HEATR5A: variants seen among roughly 807,000 people sequenced by gnomAD.
The protein encoded by HEATR5A is HEAT repeat-containing protein 5A.
HEATR5A carries 178 observed loss-of-function variants against 218.8 expected under a neutral mutation model. That is an observed-to-expected ratio of 0.81 (90% CI 0.72 to 0.92). The LOEUF is 0.92. Ranked by LOEUF, HEATR5A falls within the 40% of genes least tolerant of loss-of-function variation. HEATR5A has a pLI of 0.00. For missense variants in HEATR5A, 2,420 were observed against 2,418.9 expected, an observed-to-expected ratio of 1.00 and a Z score of -0.01; for synonymous variants, 864 against 871.6, an observed-to-expected ratio of 0.99 and a Z score of 0.15.
chr14:31,364,007 G>T (rs922255187), intron 14 of HEATR5A, among the ~76,000 whole-genome samples, 182 bp downstream of exon 14: 2 of 151,758 alleles, frequency 1.3e-5, no homozygotes, highest in African/African-American at 4.8e-5. Flanking sequence ...AACCCCGAAT[G>T]TTTTTTTTAC....
intron 9 of HEATR5A, among the ~76,000 whole-genome samples, chr14:31,385,838 G>T (rs751850354): frequency 1.3e-5 from 2 of 151,792 alleles, no homozygotes; most frequent in African/African-American, 2.4e-5. Flanking sequence ...AGCGATTCTC[G>T]TGCCTCAGCC....
At chr14:31,379,163 G>C (rs1461095803) in intron 11 of HEATR5A, among the ~76,000 whole-genome samples, 3 of 151,048 alleles carry the variant, frequency 2.0e-5, no homozygotes, top group Non-Finnish European at 4.4e-5. Flanking sequence ...GGCCAGGCTG[G>C]TCTTGAACTC....
intron 1 of HEATR5A, among the ~76,000 whole-genome samples, chr14:31,411,661 G>T (rs970259930): frequency 6.6e-6 from 1 of 152,032 alleles, no homozygotes; most frequent in Admixed American, 6.6e-5. Context: ...CTGCCAAGAG[G>T]GTGTGCAGAT....
At chr14:31,416,013 G>A (rs2031432234) in intron 1 of HEATR5A, among the ~76,000 whole-genome samples, 1 of 151,554 alleles carries the variant, frequency 6.6e-6, no homozygotes, top group Non-Finnish European at 1.5e-5. Context: ...TGCAGTGGCA[G>A]GATCTCAGCT....
intron 2 of HEATR5A, among the ~76,000 whole-genome samples, chr14:31,402,145 C>T (rs1041161791): frequency 6.6e-6 from 1 of 152,144 alleles, no homozygotes; most frequent in African/African-American, 2.4e-5. Flanking sequence ...TGGAATGCTA[C>T]TATTTTAAAT....
chr14:31,349,004 C>T (rs146447114), intron 18 of HEATR5A, among the ~76,000 whole-genome samples: 29 of 152,238 alleles, frequency 1.9e-4, no homozygotes, highest in African/African-American at 7.0e-4. Context: ...TTTACCTTAA[C>T]ATTCTTAAGT....
intron 22 of HEATR5A, among the ~76,000 whole-genome samples, chr14:31,331,948 T>C (rs1900487337): frequency 6.6e-6 from 1 of 152,166 alleles, no homozygotes; most frequent in Admixed American, 6.5e-5. Context: ...TAATTCAAGA[T>C]GAGATTTGGA....
chr14:31,358,629 A>ATATT lies in HEATR5A; in HGVS notation c.2411+4_2411+7dup. 6.2e-7 allele frequency: 1 copy of ATATT among 1,611,270 alleles called. No homozygotes were observed. ...TTATCCATTCACTGAACCATTGAAG[A>ATATT]TATTTACCTTTGAGTTTCTCCCACA... On this transcript the variant is annotated splice_region_variant and intron_variant, in intron 16 of 35. Coordinates refer to ENST00000543095, the MANE Select transcript of HEATR5A (RefSeq NM_015473.4).
rs375099522 is a variant in HEATR5A, at chr14:31,410,868, T to G, written c.-74-7819A>C. ...AATCTCTGAAAATGAAATTCAAACTTAGGATATTATTCTGTATGACCTTAA... is the reference window on the plus strand; with the variant it reads ...AATCTCTGAAAATGAAATTCAAACTGAGGATATTATTCTGTATGACCTTAA... On this transcript the variant is annotated intron_variant, in intron 1 of 35. Coordinates refer to ENST00000543095, the MANE Select transcript of HEATR5A (RefSeq NM_015473.4). 3.3e-3 allele frequency among the ~76,000 whole-genome samples: 506 copies of G among 152,302 alleles called. 3 individuals carry two copies. Among genetic ancestry groups the G allele is most frequent in the South Asian group, 0.028 (137 of 4,828 alleles).
At chr14:31,400,260 G>A (rs2030821697) in intron 3 of HEATR5A, 41 bp downstream of exon 3, 1 of 1,289,638 alleles carries the variant, frequency 7.8e-7, no homozygotes, top group Non-Finnish European at 1.1e-6. Flanking sequence ...ACAACAGGAA[G>A]CAATATTTTG....
intron 1 of HEATR5A, among the ~76,000 whole-genome samples, chr14:31,410,729 C>T (rs1045923558): frequency 6.6e-6 from 1 of 152,130 alleles, no homozygotes; most frequent in South Asian, 2.1e-4. Context: ...ATTTAAAAAT[C>T]TTGTCTGTAT....
At chr14:31,417,291 G>A (rs1351709191) in intron 1 of HEATR5A, among the ~76,000 whole-genome samples, 1 of 152,184 alleles carries the variant, frequency 6.6e-6, no homozygotes, top group African/African-American at 2.4e-5. Context: ...CCGGGGCGGT[G>A]GCTCAAGCCT....
Position 31,309,078 on chromosome 14 carries a change from C to T in HEATR5A, c.4546G>A (p.Gly1516Ser), listed in dbSNP as rs559898430. Reference protein sequence around the residue: ...HATALWLTSTGFVVADPDEGA... With the variant: ...HATALWLTSTSFVVADPDEGA... ...TCATCTGGGTCAGCAACAACAAAAC[C>T]CGTGCTTGTAAGCCACAATGCTGTA... Residue 1516 changes from glycine to serine, a missense_variant, in exon 29 of 36, where the codon GGT (glycine) becomes AGT (serine). By Grantham distance (56) the Gly-to-Ser change is moderately conservative. Coordinates refer to ENST00000543095, the MANE Select transcript of HEATR5A (RefSeq NM_015473.4). The T allele has an allele frequency of 1.9e-6, 3 of 1,613,928 alleles. No homozygotes were observed. Among genetic ancestry groups the T allele is most frequent in the African/African-American group, 2.7e-5 (2 of 75,036 alleles).
chr14:31,392,971 G>C (rs1014945547), intron 6 of HEATR5A, among the ~76,000 whole-genome samples: 1 of 152,206 alleles, frequency 6.6e-6, no homozygotes, highest in African/African-American at 2.4e-5. Context: ...GGGTGGCAGA[G>C]TGAGACCCTG....
chr14:31,419,941 C>G (rs2031587368), intron 1 of HEATR5A, among the ~76,000 whole-genome samples: 1 of 152,262 alleles, frequency 6.6e-6, no homozygotes, highest in Non-Finnish European at 1.5e-5. Flanking sequence ...TGGGAACTCT[C>G]TTTGAGGGTT....
intron 23 of HEATR5A, 45 bp downstream of exon 23, chr14:31,326,118 C>T: frequency 3.3e-6 from 5 of 1,507,718 alleles, no homozygotes; most frequent in Non-Finnish European, 4.6e-6. Context: ...TGTAAAGTTT[C>T]AAATTTCAAT....
At chr14:31,354,560 T>C (rs1362002339) in intron 16 of HEATR5A, among the ~76,000 whole-genome samples, 1 of 152,228 alleles carries the variant, frequency 6.6e-6, no homozygotes, top group East Asian at 1.9e-4. Flanking sequence ...GAGTTATTTT[T>C]AGTAATACTG....
intron 27 of HEATR5A, among the ~76,000 whole-genome samples, chr14:31,313,480 A>G (rs1239586113): frequency 6.6e-6 from 1 of 152,218 alleles, no homozygotes; most frequent in Non-Finnish European, 1.5e-5. Context: ...CTTTCTCACT[A>G]AGCCTGGTAT....
chr14:31,375,292 G>A (rs1322824783), intron 11 of HEATR5A, among the ~76,000 whole-genome samples: 1 of 152,156 alleles, frequency 6.6e-6, no homozygotes, highest in Non-Finnish European at 1.5e-5. Context: ...GTCTTTAAGG[G>A]CTTGTCAGGT....
Sources: allele counts gnomAD v4.1 joint callset (sites outside exome capture counted in the v4.1 genomes callset), GRCh38; gene constraint gnomAD v4.1.1; transcripts MANE v1.5; gene names NCBI Gene and HGNC (gene_info 2026-07-23, HGNC 2026-07-21).